DOCK8: variants seen among roughly 807,000 people sequenced by gnomAD.
DOCK8 encodes dedicator of cytokinesis protein 8.
In DOCK8, 141 loss-of-function variants were observed where a neutral mutation model predicts 245.6. That is an observed-to-expected ratio of 0.57 (90% CI 0.50 to 0.66). The LOEUF (loss-of-function observed/expected upper bound fraction) is 0.66, where lower values mean the gene tolerates loss of function less well. Among genes scored for constraint, DOCK8 ranks in the 30% least tolerant of loss-of-function variants. The pLI, the probability that DOCK8 is intolerant of heterozygous loss-of-function variation, is 0.00. For synonymous variants in DOCK8, 1,168 were observed against 970.2 expected (o/e 1.20, Z -3.79); for missense variants, 2,965 against 2,603.4 (o/e 1.14, Z -3.02).
chr9:384,924 A>T (rs1038312801), intron 22 of DOCK8, among the ~76,000 whole-genome samples: 4 of 152,218 alleles, frequency 2.6e-5, no homozygotes, highest in African/African-American at 7.2e-5. Flanking sequence ...TAAAAAAATA[A>T]AAATAAATAA....
At position 336,707 on chromosome 9, in the gene DOCK8, T is replaced by G; in HGVS notation, c.1411T>G (p.Phe471Val). 6 of 1,614,018 alleles carry G rather than the reference T, an allele frequency of 3.7e-6. No individual in the cohort carries two copies. The highest frequency in any genetic ancestry group is 4.2e-6 in the Non-Finnish European group (5 of 1,179,936). The change falls in exon 12 of 48, where the codon TTT (phenylalanine) becomes GTT (valine). Residue 471 changes from phenylalanine (F) to valine (V), a missense_variant. Transcript: ENST00000432829. ...FKTSTLSVSSFFKQEGDRLSD... is the reference protein window; with the variant it reads ...FKTSTLSVSSVFKQEGDRLSD... ...AACCTCCACTCTGAGCGTTAGCAGCTTTTTCAAGCAGGTATCTCTTCACAT... is the reference window on the plus strand; with the variant it reads ...AACCTCCACTCTGAGCGTTAGCAGCGTTTTCAAGCAGGTATCTCTTCACAT...
At chr9:304,789 C>T (rs759301271) in intron 5 of DOCK8, 85 bp downstream of exon 5, 94 of 1,587,274 alleles carry the variant, frequency 5.9e-5, no homozygotes, top group Non-Finnish European at 7.0e-5. Flanking sequence ...CTAGAATAAA[C>T]GATAGACGCA....
chr9:408,602 A>G (rs2055549284), intron 28 of DOCK8, among the ~76,000 whole-genome samples: 1 of 152,204 alleles, frequency 6.6e-6, no homozygotes, highest in South Asian at 2.1e-4. Context: ...ACACAAAGAA[A>G]ATTGCCTTCA....
intron 3 of DOCK8, among the ~76,000 whole-genome samples, chr9:287,871 GCTGTT>G (rs1563878650): frequency 1.3e-5 from 2 of 152,024 alleles, no homozygotes; most frequent in Non-Finnish European, 2.9e-5. Context: ...CTTGGAAAAA[GCTGTT>G]TAAAATGCTT....
chr9:253,612 A>G (rs186645594), intron 1 of DOCK8, among the ~76,000 whole-genome samples: 4 of 152,328 alleles, frequency 2.6e-5, no homozygotes, highest in African/African-American at 9.6e-5. Context: ...AATATAAGAG[A>G]CTAGCAAAAT....
At chr9:407,163 A>C in intron 28 of DOCK8, 94 bp downstream of exon 28, 1 of 1,571,108 alleles carries the variant, frequency 6.4e-7, no homozygotes, top group Non-Finnish European at 8.7e-7. Context: ...TTGGTAAAAA[A>C]CTCTACTGTA....
intron 2 of DOCK8, 30 bp from the exon 3 acceptor site, chr9:286,431 A>G: frequency 6.2e-7 from 1 of 1,611,218 alleles, no homozygotes; most frequent in Non-Finnish European, 8.5e-7. Flanking sequence ...CTGGGTGAGA[A>G]CCTCCTTTTC....
chr9:276,451 T>C (rs59602331), intron 2 of DOCK8, among the ~76,000 whole-genome samples: 36,519 of 147,066 alleles, frequency 0.25, 4,513 homozygotes, highest in Admixed American at 0.27. Flanking sequence ...AAATATCAGG[T>C]CTGATGACTA....
intron 9 of DOCK8, 69 bp downstream of exon 9, chr9:328,240 G>C: frequency 6.5e-7 from 1 of 1,542,936 alleles, no homozygotes; most frequent in Non-Finnish European, 8.8e-7. Flanking sequence ...GCACATGTTT[G>C]GGGTGCACGC....
At chr9:314,286 T>C (rs1386470912) in intron 6 of DOCK8, 1 of 152,234 alleles carries the variant, frequency 6.6e-6, no homozygotes, top group East Asian at 1.9e-4. Flanking sequence ...TTCCTCTTCC[T>C]CTCAGTTCTG....
Position 382,608 on chromosome 9 carries a change from A to G in DOCK8, c.2701A>G (p.Met901Val), listed in dbSNP as rs776932068. The change falls in exon 22 of 48, where the codon ATG (methionine) becomes GTG (valine). Residue 901 changes from methionine to valine, a missense_variant. Met to Val is a conservative substitution (Grantham distance 21, BLOSUM62 1). This residue lies in a region of DOCK8 where 2,825 missense variants were observed against 2,453.5 expected (regional missense o/e 1.15). Transcript: ENST00000432829. ...VSSKLLQARV[M>V]SSSNPDLAGT... ...TTCAAAGCTGCTGCAGGCCCGGGTG[A>G]TGAGCAGCAGTAACCCAGACCTCGC... 6.2e-7 allele frequency: 1 copy of G among 1,614,172 alleles called. No homozygotes were observed. The highest frequency in any genetic ancestry group is 8.5e-7 in the Non-Finnish European group (1 of 1,180,036).
chr9:423,000 A>AT (rs1217523674), intron 33 of DOCK8, among the ~76,000 whole-genome samples: 2 of 151,182 alleles, frequency 1.3e-5, no homozygotes, highest in African/African-American at 4.9e-5. Context: ...AAAAAAAAAA[A>AT]AAAGAACCTC....
At chr9:296,935 G>A (rs1291032979) in intron 4 of DOCK8, among the ~76,000 whole-genome samples, 1 of 152,086 alleles carries the variant, frequency 6.6e-6, no homozygotes, top group African/African-American at 2.4e-5. Flanking sequence ...CACCATGTGG[G>A]TTCTGATTTT....
chr9:389,737 C>T (rs943020736), intron 23 of DOCK8, among the ~76,000 whole-genome samples: 1 of 152,016 alleles, frequency 6.6e-6, no homozygotes, highest in Non-Finnish European at 1.5e-5. Flanking sequence ...ACACAGAGGC[C>T]GGGCGTAGTG....
At chr9:355,040 G>A (rs1887530) in intron 14 of DOCK8, among the ~76,000 whole-genome samples, 134,036 of 152,146 alleles carry the variant, frequency 0.88, 59,238 homozygotes, top group African/African-American at 0.95. Flanking sequence ...AGAAGCTGCT[G>A]GCACAGTTCT....
At chr9:304,252 C>G (rs1049771807) in intron 4 of DOCK8, among the ~76,000 whole-genome samples, 6 of 152,154 alleles carry the variant, frequency 3.9e-5, no homozygotes, top group Non-Finnish European at 8.8e-5. Context: ...TAGATTTATT[C>G]CAGCCACTTA....
intron 23 of DOCK8, among the ~76,000 whole-genome samples, chr9:388,266 G>A (rs2054037271): frequency 6.6e-6 from 1 of 152,168 alleles, no homozygotes; most frequent in South Asian, 2.1e-4. Context: ...AAGTGAGACA[G>A]CTTCACTTCA....
chr9:289,112 C>T (rs1341802275), intron 3 of DOCK8, among the ~76,000 whole-genome samples: 4 of 152,136 alleles, frequency 2.6e-5, no homozygotes, highest in East Asian at 3.8e-4. Flanking sequence ...AAGGAGAACA[C>T]GCGTGTCCTA....
intron 2 of DOCK8, among the ~76,000 whole-genome samples, chr9:277,493 T>A (rs2048404636): frequency 1.1e-5 from 1 of 88,850 alleles, no homozygotes; most frequent in Non-Finnish European, 2.1e-5. Flanking sequence ...AGAGAAGACA[T>A]ACAAAAGAAG....
Sources: gnomAD v4.1 joint callset for allele counts (sites outside exome capture counted in the v4.1 genomes callset) on GRCh38, gnomAD v4.1.1 for gene constraint, gnomAD v4.1.1 regional missense constraint, MANE v1.5 for transcripts, NCBI Gene and HGNC (gene_info 2026-07-23, HGNC 2026-07-21) for gene names.